The following SLC4A10 variants were observed in gnomAD, a reference collection of about 807,000 sequenced individuals.
SLC4A10 encodes the protein sodium-driven chloride bicarbonate exchanger.
In SLC4A10, 42 loss-of-function variants were observed where a neutral mutation model predicts 137.7. The observed-to-expected ratio is 0.30, with a 90% CI of 0.24 to 0.39. SLC4A10 has a LOEUF of 0.39. SLC4A10 is among the 10% of genes least tolerant of loss of function. The pLI, the probability that SLC4A10 is intolerant of heterozygous loss-of-function variation, is 1.00. For synonymous variants in SLC4A10, 474 were observed against 464.1 expected (o/e 1.02, Z -0.27); for missense variants, 925 against 1,355.0 (o/e 0.68, Z 4.98).
At chr2:161,787,771 C>T (rs1186582568) in intron 2 of SLC4A10, among the ~76,000 whole-genome samples, 3 of 152,018 alleles carry the variant, frequency 2.0e-5, no homozygotes, top group African/African-American at 7.2e-5. Context: ...TTCAGAAGTT[C>T]TATTTTTATA....
chr2:161,852,877 C>G (rs1159614350), intron 4 of SLC4A10, among the ~76,000 whole-genome samples: 2 of 152,148 alleles, frequency 1.3e-5, no homozygotes, highest in Non-Finnish European at 2.9e-5. Context: ...TGTGAGAAAA[C>G]TGACCCAGAG....
chr2:161,949,715 A>AT (rs934211429), intron 18 of SLC4A10, among the ~76,000 whole-genome samples: 27 of 149,146 alleles, frequency 1.8e-4, no homozygotes, highest in Admixed American at 6.7e-5. Flanking sequence ...TTCAGAGTTC[A>AT]TTTTTTTTTC....
intron 3 of SLC4A10, among the ~76,000 whole-genome samples, chr2:161,809,343 C>T (rs774172150): frequency 6.6e-6 from 1 of 151,810 alleles, no homozygotes; most frequent in Non-Finnish European, 1.5e-5. Context: ...TCTGTTTAGA[C>T]TATTGAGATT....
intron 1 of SLC4A10, among the ~76,000 whole-genome samples, chr2:161,690,805 G>C (rs969236979): frequency 6.6e-6 from 1 of 151,980 alleles, no homozygotes; most frequent in Non-Finnish European, 1.5e-5. Context: ...GTTGGAGGAG[G>C]GACAGCATCA....
At chr2:161,634,370 T>C (rs1395040325) in intron 1 of SLC4A10, among the ~76,000 whole-genome samples, 2 of 151,924 alleles carry the variant, frequency 1.3e-5, no homozygotes, top group African/African-American at 4.8e-5. Flanking sequence ...TATGGAGGTA[T>C]CTTCTGTTTT....
chr2:161,887,791 A>G (rs2126002362), intron 10 of SLC4A10, among the ~76,000 whole-genome samples: 1 of 152,294 alleles, frequency 6.6e-6, no homozygotes, highest in Non-Finnish European at 1.5e-5. Flanking sequence ...TTTGCTGTGC[A>G]GAAGCTCTTT....
In SLC4A10 at chr2:161,825,932, C is replaced by T. The variant is rs924209922; in HGVS notation, c.278-13857C>T. ...GTTTTTAGAGCATGGTTTGCAAATT[C>T]TGCATATAATCTTATATCCCATGTG... On this transcript the variant is annotated intron_variant, in intron 3 of 26. Transcript: ENST00000446997. Among the ~76,000 whole-genome samples the T allele has an allele frequency of 4.6e-5, 7 of 152,160 alleles. 1 individual carries two copies. Among genetic ancestry groups the T allele is most frequent in the Admixed American group, 4.6e-4 (7 of 15,274 alleles).
intron 15 of SLC4A10, among the ~76,000 whole-genome samples, chr2:161,925,097 C>T (rs1226262703): frequency 6.6e-6 from 1 of 152,116 alleles, no homozygotes; most frequent in Non-Finnish European, 1.5e-5. Context: ...ACTCTTCTGG[C>T]TATCTTGATA....
At chr2:161,851,955 T>C (rs2059857071) in intron 4 of SLC4A10, among the ~76,000 whole-genome samples, 1 of 152,162 alleles carries the variant, frequency 6.6e-6, no homozygotes, top group African/African-American at 2.4e-5. Context: ...AGTGGCGTTA[T>C]CATGGCTCAC....
At chr2:161,883,617 T>C (rs1441217648) in intron 10 of SLC4A10, among the ~76,000 whole-genome samples, 1 of 152,162 alleles carries the variant, frequency 6.6e-6, no homozygotes, top group Non-Finnish European at 1.5e-5. Context: ...TTTTTGAGGC[T>C]AGAAGTTTGA....
chr2:161,667,353 T>A lies in SLC4A10; in HGVS notation c.48+42787T>A, dbSNP rs542776257. ...CTGGTAAAACAGAAGTGAAAACTAA[T>A]GTCTCTGCCTTCCAAGGGCTTAGAC... On this transcript the variant is annotated intron_variant, in intron 1 of 26. Transcript: ENST00000446997. 4.6e-5 allele frequency among the ~76,000 whole-genome samples: 7 copies of A among 151,842 alleles called. No homozygotes were observed. The East Asian group carries it at 1.3e-3, about 29-fold the overall frequency.
At chr2:161,767,576 T>C (rs1330279221) in intron 1 of SLC4A10, among the ~76,000 whole-genome samples, 4 of 151,908 alleles carry the variant, frequency 2.6e-5, no homozygotes, top group Non-Finnish European at 5.9e-5. Context: ...GTTTTAATTG[T>C]TTTTAATGTG....
chr2:161,748,411 G>A (rs76050337), intron 1 of SLC4A10, among the ~76,000 whole-genome samples: 2,728 of 150,894 alleles, frequency 0.018, 83 homozygotes, highest in African/African-American at 0.062. Flanking sequence ...TAAATCTTAC[G>A]TCTATGTCTT....
At chr2:161,663,480 G>T (rs1464039141) in intron 1 of SLC4A10, among the ~76,000 whole-genome samples, 1 of 151,962 alleles carries the variant, frequency 6.6e-6, no homozygotes, top group Non-Finnish European at 1.5e-5. Flanking sequence ...TAAGTTTTGG[G>T]TATGATATTG....
chr2:161,630,616 G>C (rs1306944737), intron 1 of SLC4A10, among the ~76,000 whole-genome samples: 2 of 151,656 alleles, frequency 1.3e-5, no homozygotes, highest in Non-Finnish European at 3.0e-5. Context: ...CAAATCTCTT[G>C]ATTATTCATT....
intron 1 of SLC4A10, among the ~76,000 whole-genome samples, chr2:161,631,756 G>A (rs1028207833): frequency 4.0e-5 from 6 of 151,640 alleles, no homozygotes; most frequent in African/African-American, 1.5e-4. Context: ...TTTATATAGT[G>A]GTTCCTACAT....
At chr2:161,891,417 C>A (rs1473136544) in intron 10 of SLC4A10, among the ~76,000 whole-genome samples, 1 of 152,122 alleles carries the variant, frequency 6.6e-6, no homozygotes, top group Non-Finnish European at 1.5e-5. Flanking sequence ...TTCTCCCCAC[C>A]ACTTTCAGGT....
chr2:161,656,981 G>A (rs941423560), intron 1 of SLC4A10, among the ~76,000 whole-genome samples: 2 of 151,962 alleles, frequency 1.3e-5, no homozygotes, highest in South Asian at 4.1e-4. Flanking sequence ...TTTATAATTT[G>A]TTAGATTCTG....
intron 10 of SLC4A10, among the ~76,000 whole-genome samples, chr2:161,890,898 C>A (rs1052062430): frequency 1.3e-5 from 2 of 152,234 alleles, no homozygotes; most frequent in East Asian, 3.9e-4. Flanking sequence ...TGTCAATGGT[C>A]TTTACAATTT....
Sources: allele counts gnomAD v4.1 joint callset (sites outside exome capture counted in the v4.1 genomes callset), GRCh38; gene constraint gnomAD v4.1.1; transcripts MANE v1.5; gene names NCBI Gene and HGNC (gene_info 2026-07-23, HGNC 2026-07-21).